The following PBX4 variants were observed in gnomAD, a reference collection of about 807,000 sequenced individuals.
The protein encoded by PBX4 is PBX homeobox 4, also known as pre-B-cell leukemia transcription factor 4.
Under a neutral mutation model 35.1 loss-of-function variants are expected in PBX4, and 26 were observed. That is an observed-to-expected ratio of 0.74 (90% CI 0.54 to 1.03). PBX4 has a LOEUF of 1.03. Ranked by LOEUF, PBX4 falls within the 50% of genes least tolerant of loss-of-function variation. PBX4 has a pLI of 0.00. For synonymous variants in PBX4, 199 were observed against 204.2 expected, an observed-to-expected ratio of 0.97 and a Z score of 0.22; for missense variants, 448 against 504.3, an observed-to-expected ratio of 0.89 and a Z score of 1.07.
intron 2 of PBX4, among the ~76,000 whole-genome samples, chr19:19,571,125 G>A (rs2061380324): frequency 6.6e-6 from 1 of 152,210 alleles, no homozygotes; most frequent in Non-Finnish European, 1.5e-5. Context: ...CACGCAGCAG[G>A]GCCAGGCAGG....
At chr19:19,613,096 T>C (rs915493313) in intron 1 of PBX4, among the ~76,000 whole-genome samples, 3 of 151,878 alleles carry the variant, frequency 2.0e-5, no homozygotes, top group African/African-American at 7.2e-5. Context: ...GTGCTGGGAT[T>C]ACAGGCGTGA....
intron 1 of PBX4, among the ~76,000 whole-genome samples, chr19:19,603,517 C>T (rs1347653282): frequency 2.0e-5 from 3 of 152,106 alleles, no homozygotes; most frequent in Non-Finnish European, 2.9e-5. Flanking sequence ...GCATGTTGGT[C>T]AGCCTCAGCC....
intron 2 of PBX4, among the ~76,000 whole-genome samples, chr19:19,581,410 G>A (rs1003252177): frequency 7.9e-5 from 12 of 152,252 alleles, no homozygotes; most frequent in Admixed American, 2.0e-4. Context: ...CTCAGGGCCC[G>A]TAAGAGCTGG....
chr19:19,586,323 G>T (rs2061488734), intron 2 of PBX4, among the ~76,000 whole-genome samples: 1 of 152,046 alleles, frequency 6.6e-6, no homozygotes, highest in Non-Finnish European at 1.5e-5. Flanking sequence ...TGAGGTGGGA[G>T]GATCACCTGA....
intron 1 of PBX4, among the ~76,000 whole-genome samples, chr19:19,609,097 C>A (rs1411847781): frequency 1.3e-5 from 2 of 152,176 alleles, no homozygotes; most frequent in Non-Finnish European, 2.9e-5. Flanking sequence ...CTGGGCTCCT[C>A]TGAGCAGGAA....
chr19:19,589,532 G>A (rs2061513134), intron 2 of PBX4, among the ~76,000 whole-genome samples: 1 of 152,144 alleles, frequency 6.6e-6, no homozygotes, highest in Non-Finnish European at 1.5e-5. Flanking sequence ...CACTTTGGGA[G>A]GCCGAGGCGG....
chr19:19,605,287 G>A (rs560741563), intron 1 of PBX4, among the ~76,000 whole-genome samples: 288 of 151,194 alleles, frequency 1.9e-3, no homozygotes, highest in African/African-American at 6.5e-3. Flanking sequence ...ATGGTGGCGC[G>A]CACCTGTAGT....
At chr19:19,611,587 G>A (rs1035072606) in intron 1 of PBX4, among the ~76,000 whole-genome samples, 2 of 150,788 alleles carry the variant, frequency 1.3e-5, no homozygotes, top group African/African-American at 2.4e-5. Context: ...GCTGAGGCAG[G>A]AGAATCACTT....
chr19:19,593,944 A>G (rs745926388), intron 2 of PBX4, among the ~76,000 whole-genome samples: 6 of 151,164 alleles, frequency 4.0e-5, no homozygotes, highest in Non-Finnish European at 5.9e-5. Context: ...TGGGCAACAT[A>G]CTAAGACCTC....
intron 2 of PBX4, 181 bp from the exon 3 acceptor site, chr19:19,571,014 G>A (rs1266110507): frequency 9.7e-5 from 76 of 784,324 alleles, no homozygotes; most frequent in Non-Finnish European, 2.0e-6. Flanking sequence ...TAAGACATGG[G>A]TCCAAGTGCC....
At chr19:19,606,208 A>G (rs1176702835) in intron 1 of PBX4, 2 of 152,212 alleles carry the variant, frequency 1.3e-5, no homozygotes, top group Admixed American at 6.6e-5. Flanking sequence ...CATCTCTGCC[A>G]TGGTTATGTT....
intron 1 of PBX4, among the ~76,000 whole-genome samples, chr19:19,610,395 A>G (rs2061656987): frequency 6.6e-6 from 1 of 152,040 alleles, no homozygotes. Flanking sequence ...CCTGGGTAAC[A>G]AGAGTGAAAC....
intron 1 of PBX4, among the ~76,000 whole-genome samples, chr19:19,600,221 G>A (rs2061588756): frequency 6.6e-6 from 1 of 151,908 alleles, no homozygotes; most frequent in Non-Finnish European, 1.5e-5. Flanking sequence ...TTTAAACAAT[G>A]CAAATAACTC....
Position 19,565,007 on chromosome 19 carries a change from C to T in PBX4, c.851G>A (p.Gly284Asp), listed in dbSNP as rs1484447906. The change falls in exon 6 of 8, where the codon GGT (glycine) becomes GAT (aspartate). Residue 284 changes from glycine to aspartate, a missense_variant. Transcript: ENST00000251203. Reference protein sequence around the residue: ...KFQEEATIYTGKTAVDTTEVG... With the variant: ...KFQEEATIYTDKTAVDTTEVG... ...TTCCGTGGTATCCACAGCCGTTTTA[C>T]CCGTGTAAATGGTAGCCTCTTCTTG... 29 of 1,614,078 alleles carry T rather than the reference C, an allele frequency of 1.8e-5. No homozygotes were observed. Among genetic ancestry groups the T allele is most frequent in the Admixed American group, 3.3e-5 (2 of 59,992 alleles).
chr19:19,594,102 A>AG (rs2144760288), intron 2 of PBX4, among the ~76,000 whole-genome samples: 1 of 150,186 alleles, frequency 6.7e-6, no homozygotes, highest in East Asian at 1.9e-4. Flanking sequence ...AAAAAAAATA[A>AG]AAAATAAAAA....
At chr19:19,596,436 A>T (rs1321433254) in intron 2 of PBX4, among the ~76,000 whole-genome samples, 1 of 152,182 alleles carries the variant, frequency 6.6e-6, no homozygotes, top group Non-Finnish European at 1.5e-5. Flanking sequence ...TTTAATATAT[A>T]AAAACATAGG....
chr19:19,615,161 T>A (rs1049158659), intron 1 of PBX4, among the ~76,000 whole-genome samples: 7 of 72,126 alleles, frequency 9.7e-5, no homozygotes, highest in East Asian at 4.2e-4. Flanking sequence ...TGAGACCCTG[T>A]CTCCAAAAAA....
Position 19,564,986 on chromosome 19 carries a change from G to T in PBX4, c.872C>A (p.Thr291Lys), listed in dbSNP as rs139542458. The change falls in exon 6 of 8, where the codon ACG becomes AAG. Residue 291 changes from threonine (T) to lysine (K), a missense_variant. By Grantham distance (78) the Thr-to-Lys change is moderately conservative. Coordinates refer to ENST00000251203, the MANE Select transcript of PBX4 (RefSeq NM_025245.3). ...GTGGTTCCCTGGGACCCCAACTTCCGTGGTATCCACAGCCGTTTTACCCGT... is the reference window on the plus strand; with the variant it reads ...GTGGTTCCCTGGGACCCCAACTTCCTTGGTATCCACAGCCGTTTTACCCGT... ...IYTGKTAVDT[T>K]EVGVPGNHAS... 1 of 1,614,186 alleles carries T rather than the reference G, an allele frequency of 6.2e-7. No individual in the cohort carries two copies. The highest frequency in any genetic ancestry group is 1.3e-5 in the African/African-American group (1 of 75,044).
intron 2 of PBX4, among the ~76,000 whole-genome samples, chr19:19,574,361 T>G (rs2061406249): frequency 6.6e-6 from 1 of 152,180 alleles, no homozygotes; most frequent in Non-Finnish European, 1.5e-5. Context: ...ACATACTTAT[T>G]TAAGCAGACA....
Sources: allele counts gnomAD v4.1 joint callset (sites outside exome capture counted in the v4.1 genomes callset), GRCh38; gene constraint gnomAD v4.1.1; transcripts MANE v1.5; gene names NCBI Gene and HGNC (gene_info 2026-07-23, HGNC 2026-07-21).